Variants in CNBD1 observed in about 807,000 individuals in gnomAD.
The protein encoded by CNBD1 is cyclic nucleotide binding domain containing 1, also known as cyclic nucleotide-binding domain-containing protein 1.
CNBD1 carries 71 observed loss-of-function variants against 54.4 expected under a neutral mutation model. The observed-to-expected ratio is 1.30, with a 90% CI of 1.08 to 1.59. The LOEUF (loss-of-function observed/expected upper bound fraction) is 1.59. Among genes scored for constraint, CNBD1 ranks in the 40% most tolerant of loss-of-function variants. The probability of loss-of-function intolerance (pLI) is 0.00; values close to 1 mark genes in which losing one functional copy is unlikely to be tolerated. For synonymous variants in CNBD1, 182 were observed against 170.7 expected, an observed-to-expected ratio of 1.07 and a Z score of -0.51; for missense variants, 659 against 518.0, an observed-to-expected ratio of 1.27 and a Z score of -2.64.
intron 10 of CNBD1, among the ~76,000 whole-genome samples, chr8:87,358,286 T>A (rs2130934017): frequency 6.6e-6 from 1 of 152,326 alleles, no homozygotes; most frequent in East Asian, 1.9e-4. Flanking sequence ...CAAATTCATA[T>A]GTCTAATTTT....
At chr8:87,330,225 T>TGC (rs1374864066) in intron 8 of CNBD1, among the ~76,000 whole-genome samples, 35 of 118,106 alleles carry the variant, frequency 3.0e-4, no homozygotes, top group African/African-American at 9.8e-4. Flanking sequence ...TTTGTGTTCC[T>TGC]TCTCTCTTTT....
intron 6 of CNBD1, among the ~76,000 whole-genome samples, chr8:87,247,117 A>T (rs2130835369): frequency 6.6e-6 from 1 of 152,262 alleles, no homozygotes; most frequent in Non-Finnish European, 1.5e-5. Context: ...CAATCTCAGG[A>T]TAATCTCCAC....
intron 4 of CNBD1, among the ~76,000 whole-genome samples, chr8:87,035,700 C>A (rs1809919556): frequency 2.0e-5 from 3 of 152,194 alleles, no homozygotes; most frequent in Middle Eastern, 3.4e-3. Context: ...TCACAAATGG[C>A]AGTGGCTTAT....
intron 2 of CNBD1, among the ~76,000 whole-genome samples, chr8:87,389,049 A>G (rs920851615): frequency 1.3e-5 from 2 of 152,204 alleles, no homozygotes; most frequent in African/African-American, 2.4e-5. Context: ...AGAACTCAAG[A>G]GCCCTTGATG....
intron 3 of CNBD1, among the ~76,000 whole-genome samples, chr8:86,927,741 A>G (rs879830571): frequency 6.6e-5 from 10 of 152,266 alleles, no homozygotes; most frequent in Non-Finnish European, 1.5e-4. Context: ...AGGGACAAGG[A>G]GAGGTGTTAA....
At chr8:87,418,300 C>T (rs369322893) in intron 2 of CNBD1, among the ~76,000 whole-genome samples, 14 of 152,012 alleles carry the variant, frequency 9.2e-5, no homozygotes, top group African/African-American at 3.4e-4. Context: ...CGTGCTGAGA[C>T]AACCGAATAT....
At chr8:87,012,952 G>A (rs1809256009) in intron 4 of CNBD1, among the ~76,000 whole-genome samples, 1 of 152,186 alleles carries the variant, frequency 6.6e-6, no homozygotes, top group Non-Finnish European at 1.5e-5. Context: ...TGAGGGCTAT[G>A]TCATAGGCCA....
At chr8:87,105,766 A>G (rs75465336) in intron 4 of CNBD1, among the ~76,000 whole-genome samples, 1,727 of 151,126 alleles carry the variant, frequency 0.011, 43 homozygotes, top group African/African-American at 0.04. Context: ...TCTTGGACTT[A>G]TTTTAGTTGT....
chr8:87,407,844 G>T (rs972243419), intron 2 of CNBD1, among the ~76,000 whole-genome samples: 56 of 151,816 alleles, frequency 3.7e-4, no homozygotes, highest in Non-Finnish European at 7.1e-4. Flanking sequence ...TGACTGCTTT[G>T]TATTTTTTAT....
chr8:87,238,507 T>C (rs749264808), intron 6 of CNBD1, among the ~76,000 whole-genome samples: 16 of 152,104 alleles, frequency 1.1e-4, no homozygotes, highest in Non-Finnish European at 2.2e-4. Context: ...GGCTTTAATG[T>C]CACTATCTCA....
intron 10 of CNBD1, among the ~76,000 whole-genome samples, chr8:87,369,182 T>C (rs1390260489): frequency 1.3e-5 from 2 of 152,042 alleles, no homozygotes; most frequent in Non-Finnish European, 2.9e-5. Context: ...CCTTCAATGT[T>C]CACATGTATT....
chr8:86,874,445 T>G (rs574843288), intron 1 of CNBD1, among the ~76,000 whole-genome samples: 135 of 152,322 alleles, frequency 8.9e-4, no homozygotes, highest in African/African-American at 2.9e-3. Context: ...TGCCCCACTC[T>G]TGATGATATT....
At chr8:86,915,482 G>A (rs1367122811) in intron 3 of CNBD1, among the ~76,000 whole-genome samples, 2 of 152,144 alleles carry the variant, frequency 1.3e-5, no homozygotes, top group African/African-American at 4.8e-5. Flanking sequence ...TTTTGGGGAA[G>A]GGCTATTATC....
intron 6 of CNBD1, among the ~76,000 whole-genome samples, chr8:87,239,710 A>G (rs1807653509): frequency 6.6e-6 from 1 of 152,168 alleles, no homozygotes. Context: ...GATAATGTAT[A>G]GTTGTGAATA....
chr8:86,900,873 T>C (rs1808921795), intron 2 of CNBD1, among the ~76,000 whole-genome samples: 2 of 152,186 alleles, frequency 1.3e-5, no homozygotes, highest in Admixed American at 6.5e-5. Flanking sequence ...AACAGATCTT[T>C]AAATTTTCCT....
At chr8:87,417,506 A>T (rs1475377538) in intron 2 of CNBD1, among the ~76,000 whole-genome samples, 1 of 152,068 alleles carries the variant, frequency 6.6e-6, no homozygotes, top group East Asian at 1.9e-4. Context: ...TTTGGCAAGT[A>T]AATGGAAGAA....
intron 10 of CNBD1, among the ~76,000 whole-genome samples, chr8:87,368,102 C>T (rs1810680350): frequency 6.6e-6 from 1 of 150,662 alleles, no homozygotes; most frequent in Non-Finnish European, 1.5e-5. Flanking sequence ...GTGGAGGTTG[C>T]AGTGAGCCTA....
intron 8 of CNBD1, among the ~76,000 whole-genome samples, chr8:87,315,871 C>A (rs1028146775): frequency 6.6e-6 from 1 of 151,782 alleles, no homozygotes; most frequent in Admixed American, 6.6e-5. Context: ...GTTCCAATCA[C>A]AAAAAAGAAT....
intron 10 of CNBD1, among the ~76,000 whole-genome samples, chr8:87,379,074 T>C (rs904640013): frequency 1.3e-5 from 2 of 151,186 alleles, no homozygotes; most frequent in Non-Finnish European, 2.9e-5. Flanking sequence ...TGGGGTTTTC[T>C]AGATATACAA....
Sources: allele counts gnomAD v4.1 joint callset (sites outside exome capture counted in the v4.1 genomes callset), GRCh38; gene constraint gnomAD v4.1.1; transcripts MANE v1.5; gene names NCBI Gene and HGNC (gene_info 2026-07-23, HGNC 2026-07-21).